CSGALNACT1: variants seen among roughly 807,000 people sequenced by gnomAD.
CSGALNACT1 encodes chondroitin sulfate N-acetylgalactosaminyltransferase 1, also known as beta4GalNAcT-1.
A neutral mutation model predicts 51.0 loss-of-function variants in CSGALNACT1; 52 were observed. That is an observed-to-expected ratio of 1.02 (90% CI 0.82 to 1.29). CSGALNACT1 has a LOEUF of 1.29. Among genes scored for constraint, CSGALNACT1 ranks in the 50% most tolerant of loss-of-function variants. CSGALNACT1 has a pLI of 0.00. For synonymous variants in CSGALNACT1, 341 were observed against 254.4 expected (o/e 1.34, Z -3.24); for missense variants, 935 against 679.2 (o/e 1.38, Z -4.19).
chr8:19,426,923 T>TA (rs2058860089), intron 6 of CSGALNACT1, among the ~76,000 whole-genome samples: 2 of 152,342 alleles, frequency 1.3e-5, no homozygotes, highest in Non-Finnish European at 1.5e-5. Context: ...CCTTTCATTG[T>TA]AAAAAATCTT....
intron 1 of CSGALNACT1, among the ~76,000 whole-genome samples, chr8:19,661,723 T>C (rs909578008): frequency 1.3e-5 from 2 of 152,192 alleles, no homozygotes; most frequent in Admixed American, 1.3e-4. Context: ...ATATGGCCAT[T>C]CCTTTCCATG....
intron 3 of CSGALNACT1, among the ~76,000 whole-genome samples, chr8:19,582,443 A>G (rs11777971): frequency 0.029 from 4,439 of 152,316 alleles, 106 homozygotes; most frequent in Non-Finnish European, 0.044. Flanking sequence ...TTTTATTTAA[A>G]GAGCCTGAGA....
chr8:19,413,035 G>T (rs970678608), intron 8 of CSGALNACT1, among the ~76,000 whole-genome samples: 1 of 152,130 alleles, frequency 6.6e-6, no homozygotes, highest in East Asian at 1.9e-4. Context: ...GAGAAATAAG[G>T]TATCCTACAT....
chr8:19,623,530 G>C (rs575571027), intron 1 of CSGALNACT1, among the ~76,000 whole-genome samples: 1 of 152,270 alleles, frequency 6.6e-6, no homozygotes, highest in South Asian at 2.1e-4. Flanking sequence ...ACCAACTGTA[G>C]AATGTGAATT....
At chr8:19,474,880 AAAAAAAG>A (rs2069117009) in intron 4 of CSGALNACT1, among the ~76,000 whole-genome samples, 3 of 150,630 alleles carry the variant, frequency 2.0e-5, no homozygotes, top group Non-Finnish European at 3.0e-5. Flanking sequence ...AAAAAAAAAA[AAAAAAAG>A]AAAAAAAAAA....
At chr8:19,414,819 G>A (rs1260005631) in intron 8 of CSGALNACT1, among the ~76,000 whole-genome samples, 2 of 152,168 alleles carry the variant, frequency 1.3e-5, no homozygotes, top group African/African-American at 4.8e-5. Flanking sequence ...CTTTGATACT[G>A]ATGTATTCCA....
chr8:19,625,883 C>G (rs2054387577), intron 1 of CSGALNACT1, among the ~76,000 whole-genome samples: 1 of 152,134 alleles, frequency 6.6e-6, no homozygotes, highest in Non-Finnish European at 1.5e-5. Context: ...CAAAAAAAGT[C>G]TACATTTTCT....
chr8:19,513,488 AG>A, intron 3 of CSGALNACT1, among the ~76,000 whole-genome samples: 1 of 143,944 alleles, frequency 6.9e-6, no homozygotes, highest in East Asian at 2.1e-4. Context: ...CTGCTGTTAA[AG>A]AAAATGAGTA....
chr8:19,408,775 G>T (rs769991609), intron 8 of CSGALNACT1, 81 bp from the exon 8 acceptor site: 1 of 1,180,262 alleles, frequency 8.5e-7, no homozygotes, highest in Non-Finnish European at 1.3e-6. Context: ...GTGAGCCACC[G>T]TGGAGTGTGG....
chr8:19,647,655 C>T (rs962454820), intron 1 of CSGALNACT1, among the ~76,000 whole-genome samples: 6 of 152,130 alleles, frequency 3.9e-5, no homozygotes, highest in African/African-American at 1.4e-4. Context: ...AATTCAATGG[C>T]TGCATAATTT....
intron 4 of CSGALNACT1, among the ~76,000 whole-genome samples, chr8:19,496,427 G>A (rs1403786801): frequency 6.6e-6 from 1 of 152,124 alleles, no homozygotes; most frequent in Non-Finnish European, 1.5e-5. Flanking sequence ...CTTGATGGTT[G>A]GAACTAGGTT....
Position 19,535,721 on chromosome 8 carries a change from G to GA in CSGALNACT1, c.-296-29592dup, listed in dbSNP as rs201226162. Among the ~76,000 whole-genome samples, 930 of 151,988 alleles carry GA rather than the reference G, an allele frequency of 6.1e-3. 10 individuals are homozygous for GA. Among genetic ancestry groups the GA allele is most frequent in the African/African-American group, 0.021 (877 of 41,466 alleles). ...ACACCATATTAGCAAGCCATAGAAGGAAAAAAATCACATGATCTTATCAAC... is the reference window on the plus strand; with the variant it reads ...ACACCATATTAGCAAGCCATAGAAGGAAAAAAAATCACATGATCTTATCAAC... On this transcript the variant is annotated intron_variant, in intron 3 of 9. Transcript: ENST00000454498.
chr8:19,407,793 T>C (rs1254452833), intron 9 of CSGALNACT1, among the ~76,000 whole-genome samples: 2 of 149,086 alleles, frequency 1.3e-5, no homozygotes, highest in African/African-American at 5.1e-5. Flanking sequence ...ATGTGGACAT[T>C]TGTGTATATG....
intron 3 of CSGALNACT1, among the ~76,000 whole-genome samples, chr8:19,534,944 C>G (rs1382711267): frequency 6.6e-6 from 1 of 152,136 alleles, no homozygotes; most frequent in East Asian, 1.9e-4. Context: ...GAAGAAGCTT[C>G]AAATCCCTGA....
intron 5 of CSGALNACT1, among the ~76,000 whole-genome samples, chr8:19,457,186 T>G (rs2064283176): frequency 6.6e-6 from 1 of 152,212 alleles, no homozygotes; most frequent in Admixed American, 6.5e-5. Context: ...GATTCTAATC[T>G]TCAAAAAACT....
At chr8:19,602,081 G>A (rs1304433311) in exon 1 of CSGALNACT1, 1 of 293,348 alleles carries the variant, frequency 3.4e-6, no homozygotes, top group Non-Finnish European at 6.7e-6. Flanking sequence ...GCTTTAAACA[G>A]TGATAACCAT....
intron 3 of CSGALNACT1, among the ~76,000 whole-genome samples, chr8:19,516,062 C>T (rs2079467685): frequency 6.6e-6 from 1 of 152,152 alleles, no homozygotes. Flanking sequence ...GCTCTTGGTG[C>T]CGGTTCTCAC....
At chr8:19,672,172 C>A (rs1201882807) in intron 1 of CSGALNACT1, among the ~76,000 whole-genome samples, 1 of 152,196 alleles carries the variant, frequency 6.6e-6, no homozygotes, top group Non-Finnish European at 1.5e-5. Context: ...CTGCCTCCCA[C>A]ACATGGCAAT....
chr8:19,666,068 A>C (rs2059152039), intron 1 of CSGALNACT1, among the ~76,000 whole-genome samples: 1 of 152,126 alleles, frequency 6.6e-6, no homozygotes, highest in African/African-American at 2.4e-5. Context: ...GAGTTATTTC[A>C]AGTTGTTTGT....
Sources: gnomAD v4.1 joint callset for allele counts (sites outside exome capture counted in the v4.1 genomes callset) on GRCh38, gnomAD v4.1.1 for gene constraint, MANE v1.5 for transcripts, NCBI Gene and HGNC (gene_info 2026-07-23, HGNC 2026-07-21) for gene names.